NDUFS6: variants seen among roughly 807,000 people sequenced by gnomAD.
NDUFS6 encodes NADH dehydrogenase [ubiquinone] iron-sulfur protein 6, mitochondrial.
Under a neutral mutation model 13.2 loss-of-function variants are expected in NDUFS6, and 14 were observed. The ratio of observed to expected loss-of-function variants is 1.06; its 90% confidence interval spans 0.70 to 1.66. NDUFS6 has a LOEUF of 1.66. Among genes scored for constraint, NDUFS6 ranks in the 40% most tolerant of loss-of-function variants. The probability of loss-of-function intolerance (pLI) is 0.00; values close to 1 mark genes in which losing one functional copy is unlikely to be tolerated. For synonymous variants in NDUFS6, 95 were observed against 72.3 expected, an observed-to-expected ratio of 1.31 and a Z score of -1.60; for missense variants, 206 against 170.8, an observed-to-expected ratio of 1.21 and a Z score of -1.15.
At chr5:1,802,235 C>G in intron 1 of NDUFS6, 86 bp from the exon 2 acceptor site, 1 of 1,301,528 alleles carries the variant, frequency 7.7e-7, no homozygotes, top group Middle Eastern at 2.0e-4. Flanking sequence ...AAGAAAAACA[C>G]TTTCCTGTAA....
intron 2 of NDUFS6, among the ~76,000 whole-genome samples, chr5:1,809,599 G>A (rs3776141): frequency 0.74 from 111,889 of 152,186 alleles, 44,323 homozygotes; most frequent in Non-Finnish European, 0.88. Flanking sequence ...CGCGTCAGTC[G>A]CCAGTGTCGA....
At position 1,814,514 on chromosome 5, in the gene NDUFS6, C is replaced by A. The variant is rs1481899003; in HGVS notation, c.309+53C>A. 6.2e-7 allele frequency: 1 copy of A among 1,613,268 alleles called. No individual in the cohort carries two copies. The highest frequency in any genetic ancestry group is 8.5e-7 in the Non-Finnish European group (1 of 1,179,584). On this transcript the variant is annotated intron_variant, in intron 3 of 3. Coordinates refer to ENST00000274137, the MANE Select transcript of NDUFS6 (RefSeq NM_004553.6). This position sits in a 1 kb window ranked among gnomAD's most constrained non-coding sequence, Gnocchi z 4.9. ...TTAGGGCAGCCTGCTCGTCCTCATA[C>A]TCCCCTTCACTCCCAGTGCCTGTTC...
chr5:1,814,397 C>CT lies in NDUFS6; in HGVS notation c.246dup (p.Arg83SerfsTer56). On this transcript the variant is annotated frameshift_variant, in exon 3 of 4. Coordinates refer to ENST00000274137, the MANE Select transcript of NDUFS6 (RefSeq NM_004553.6). LOFTEE classifies it high-confidence loss of function. The surrounding 1 kb of genome is among the most constrained non-coding windows in gnomAD (Gnocchi z 4.9). Reference sequence around the variant, plus strand: ...GAGCAGCCCGTGAGCGAGGTGGAGACTCGGGTGATAGCGTGCGATGGCGGC... The same window carrying CT: ...GAGCAGCCCGTGAGCGAGGTGGAGACTTCGGGTGATAGCGTGCGATGGCGGC... 6.2e-7 allele frequency: 1 copy of CT among 1,614,064 alleles called. No homozygotes were observed. The highest frequency in any genetic ancestry group is 8.5e-7 in the Non-Finnish European group (1 of 1,180,006).
At position 1,801,439 on chromosome 5, in the gene NDUFS6, T is replaced by A. The variant is rs1734036253; in HGVS notation, c.22T>A (p.Cys8Ser). The change falls in exon 1 of 4, where the codon TGC (cysteine) becomes AGC (serine). Residue 8 changes from cysteine to serine, a missense_variant. By Grantham distance (112) the Cys-to-Ser change is moderately radical. Coordinates refer to ENST00000274137, the MANE Select transcript of NDUFS6 (RefSeq NM_004553.6). ...CAAAATGGCGGCGGCGATGACCTTC[T>A]GCCGGCTGCTGAACCGGTGTGGCGA... MAAAMTF[C>S]RLLNRCGEAA... The A allele has an allele frequency of 6.2e-7, 1 of 1,604,994 alleles. No individual in the cohort carries two copies. Among genetic ancestry groups the A allele is most frequent in the Admixed American group, 1.7e-5 (1 of 59,858 alleles).
In NDUFS6 at chr5:1,814,711, G is replaced by A. The variant is rs757235933; in HGVS notation, c.309+250G>A. The A allele has an allele frequency of 9.8e-6, 7 of 716,218 alleles. No homozygotes were observed. The highest frequency in any genetic ancestry group is 4.4e-5 in the South Asian group (3 of 67,854). 44.4% of individuals were successfully genotyped at this position (716,218 alleles called of 1,614,324 possible). A position where few individuals can be genotyped will look rare whatever the true frequency, so the allele number is the denominator to read the frequency against. On this transcript the variant is annotated intron_variant, in intron 3 of 3. Coordinates refer to ENST00000274137, the MANE Select transcript of NDUFS6 (RefSeq NM_004553.6). The surrounding 1 kb of genome is among the most constrained non-coding windows in gnomAD (Gnocchi z 4.9). ...TGTTTCTCTTCTCGGACGCCCAAGCGTCTTTCCTCTCTGGGCCCTTCTCGG... is the reference window on the plus strand; with the variant it reads ...TGTTTCTCTTCTCGGACGCCCAAGCATCTTTCCTCTCTGGGCCCTTCTCGG...
At chr5:1,802,446 T>A (rs1734062852) in intron 2 of NDUFS6, 72 bp downstream of exon 2, 3 of 1,246,296 alleles carry the variant, frequency 2.4e-6, no homozygotes, top group East Asian at 2.5e-5. Flanking sequence ...AAATAAAAAT[T>A]AATATATAAG....
chr5:1,801,657 A>C, intron 1 of NDUFS6, 108 bp downstream of exon 1: 1 of 1,464,864 alleles, frequency 6.8e-7, no homozygotes, highest in Non-Finnish European at 9.1e-7. Flanking sequence ...CCGGCAGCGC[A>C]GGTCGTGGTA....
At chr5:1,801,791 G>A (rs1734047940) in intron 1 of NDUFS6, among the ~76,000 whole-genome samples, 1 of 152,264 alleles carries the variant, frequency 6.6e-6, no homozygotes, top group African/African-American at 2.4e-5. Flanking sequence ...TCTCCCCAGC[G>A]GGCAGCACTT....
intron 2 of NDUFS6, among the ~76,000 whole-genome samples, chr5:1,811,580 C>G (rs974953695): frequency 2.0e-5 from 3 of 152,176 alleles, no homozygotes; most frequent in Non-Finnish European, 4.4e-5. Context: ...CATCGGTCTC[C>G]CACTCTCTTT....
At chr5:1,808,564 C>T (rs1734163447) in intron 2 of NDUFS6, among the ~76,000 whole-genome samples, 1 of 152,202 alleles carries the variant, frequency 6.6e-6, no homozygotes, top group Non-Finnish European at 1.5e-5. Context: ...GCGAGATGGG[C>T]TTTATTTCCT....
chr5:1,802,449 T>C, intron 2 of NDUFS6, 75 bp downstream of exon 2: 1 of 1,214,662 alleles, frequency 8.2e-7, no homozygotes, highest in South Asian at 1.4e-5. Flanking sequence ...TAAAAATTAA[T>C]ATATAAGATT....
In NDUFS6 at chr5:1,801,556, G is replaced by A; in HGVS notation, c.132+7G>A. Reference sequence around the variant, plus strand: ...GGTCACGCACACTGGCCAGGTAACGGCCGCTGGGTACAGGATGCACCTTCC... The same window carrying A: ...GGTCACGCACACTGGCCAGGTAACGACCGCTGGGTACAGGATGCACCTTCC... On this transcript the variant is annotated splice_region_variant and intron_variant, in intron 1 of 3. Transcript: ENST00000274137. The A allele has an allele frequency of 6.3e-7, 1 of 1,579,204 alleles. No homozygotes were observed. The highest frequency in any genetic ancestry group is 1.1e-5 in the South Asian group (1 of 88,196).
intron 2 of NDUFS6, among the ~76,000 whole-genome samples, chr5:1,813,590 C>T (rs1028092947): frequency 2.8e-4 from 42 of 152,102 alleles, no homozygotes; most frequent in Admixed American, 2.2e-3. Flanking sequence ...CACCCCATCG[C>T]GGTATTATGG....
chr5:1,815,751 T>G, intron 3 of NDUFS6, 100 bp from the exon 4 acceptor site: 1 of 1,228,518 alleles, frequency 8.1e-7, no homozygotes. Context: ...GTATTTTTGT[T>G]TCTGACAGTC....
At chr5:1,809,741 G>A (rs773404114) in intron 2 of NDUFS6, among the ~76,000 whole-genome samples, 2 of 152,236 alleles carry the variant, frequency 1.3e-5, no homozygotes, top group Admixed American at 6.5e-5. Context: ...TACACCATAA[G>A]GCTTAATTTG....
intron 2 of NDUFS6, 25 bp downstream of exon 2, chr5:1,802,399 A>G: frequency 1.2e-6 from 2 of 1,601,504 alleles, no homozygotes; most frequent in Non-Finnish European, 1.7e-6. Context: ...TAGTGAAGAG[A>G]GGTAAGCTTT....
chr5:1,802,251 A>G, intron 1 of NDUFS6, 70 bp from the exon 2 acceptor site: 3 of 1,378,164 alleles, frequency 2.2e-6, no homozygotes, highest in Non-Finnish European at 3.1e-6. Context: ...TGTAATATTT[A>G]TGATTGATAT....
rs922629897 is a variant in NDUFS6, at chr5:1,809,255, G to A, written c.187-5084G>A. ...ATGTGCCGTGTGCTTAACAAGAGATGGCGTGCGGGCTGCTGTGACGGTTCT... is the reference window on the plus strand; with the variant it reads ...ATGTGCCGTGTGCTTAACAAGAGATAGCGTGCGGGCTGCTGTGACGGTTCT... On this transcript the variant is annotated intron_variant, in intron 2 of 3. Transcript: ENST00000274137. Among the ~76,000 whole-genome samples the A allele has an allele frequency of 1.2e-3, 178 of 152,296 alleles. 1 individual carries two copies. Among genetic ancestry groups the A allele is most frequent in the African/African-American group, 4.1e-3 (172 of 41,560 alleles).
At chr5:1,811,928 T>C (rs1457187312) in intron 2 of NDUFS6, among the ~76,000 whole-genome samples, 10 of 152,226 alleles carry the variant, frequency 6.6e-5, no homozygotes, top group African/African-American at 2.4e-4. Flanking sequence ...TGAATACTTA[T>C]ATCAAAAGAA....
Sources: gnomAD v4.1 joint callset for allele counts (sites outside exome capture counted in the v4.1 genomes callset) on GRCh38, gnomAD v4.1.1 for gene constraint, Gnocchi (gnomAD v3.1) non-coding constraint, MANE v1.5 for transcripts, NCBI Gene and HGNC (gene_info 2026-07-23, HGNC 2026-07-21) for gene names.